The following COL4A1 variants were observed in gnomAD, a reference collection of about 807,000 sequenced individuals.
COL4A1 encodes collagen alpha-1(IV) chain.
A neutral mutation model predicts 216.6 loss-of-function variants in COL4A1; 40 were observed. The ratio of observed to expected loss-of-function variants is 0.18; its 90% confidence interval spans 0.14 to 0.24. The LOEUF (loss-of-function observed/expected upper bound fraction) is 0.24. COL4A1 is among the 10% of genes least tolerant of loss of function. COL4A1 has a pLI of 1.00. For synonymous variants in COL4A1, 839 were observed against 810.7 expected (o/e 1.03, Z -0.59); for missense variants, 1,628 against 2,196.8 (o/e 0.74, Z 5.18).
At chr13:110,304,505 C>T (rs945334180) in intron 1 of COL4A1, among the ~76,000 whole-genome samples, 3 of 152,142 alleles carry the variant, frequency 2.0e-5, no homozygotes, top group Non-Finnish European at 2.9e-5. Context: ...GGGTTCATTC[C>T]GCCCAGTGCA....
intron 49 of COL4A1, among the ~76,000 whole-genome samples, chr13:110,160,266 C>A (rs1310779283): frequency 7.8e-6 from 1 of 128,228 alleles, no homozygotes; most frequent in Non-Finnish European, 1.6e-5. Context: ...CAAGGTGAAA[C>A]CCCGTCTCTA....
At chr13:110,174,098 T>TC in intron 39 of COL4A1, 100 bp from the exon 40 acceptor site, 1 of 1,313,680 alleles carries the variant, frequency 7.6e-7, no homozygotes, top group Non-Finnish European at 1.1e-6. Flanking sequence ...AGGGAGCTGT[T>TC]CCCTCCCAAG....
Position 110,211,610 on chromosome 13 carries a change from T to C in COL4A1, c.468+37A>G, listed in dbSNP as rs374112057. 1.9e-6 allele frequency: 3 copies of C among 1,600,876 alleles called. No homozygotes were observed. The highest frequency in any genetic ancestry group is 1.7e-6 in the Non-Finnish European group (2 of 1,172,168). ...GCACTTGTTGTAAACAGATTCCCTG[T>C]AATGAATCCAATAAAGCAAAATAAA... On this transcript the variant is annotated intron_variant, in intron 8 of 51. Transcript: ENST00000375820. This position sits in a 1 kb window ranked among gnomAD's most constrained non-coding sequence, Gnocchi z 4.3.
chr13:110,214,057 AGAACAGAG>A, intron 2 of COL4A1, 42 bp from the exon 3 acceptor site: 1 of 1,548,400 alleles, frequency 6.5e-7, no homozygotes, highest in Non-Finnish European at 8.9e-7. Context: ...GCAGCAGTAA[AGAACAGAG>A]GAAGGAATTG....
intron 1 of COL4A1, among the ~76,000 whole-genome samples, chr13:110,262,573 T>A (rs1273306553): frequency 6.6e-6 from 1 of 152,210 alleles, no homozygotes; most frequent in African/African-American, 2.4e-5. Context: ...CTCACAAAGA[T>A]CAACAATCTC....
At chr13:110,249,967 T>G (rs1335050039) in intron 1 of COL4A1, among the ~76,000 whole-genome samples, 1 of 152,196 alleles carries the variant, frequency 6.6e-6, no homozygotes, top group African/African-American at 2.4e-5. Flanking sequence ...TCATCTGCAT[T>G]TGTTTTATTA....
At position 110,160,217 on chromosome 13, in the gene COL4A1, T is replaced by C. The variant is rs572868255; in HGVS notation, c.4640+975A>G. On this transcript the variant is annotated intron_variant, in intron 49 of 51. Coordinates refer to ENST00000375820, the MANE Select transcript of COL4A1 (RefSeq NM_001845.6). ...CAGCACTTTGGGAGGCCGAGGCGGG[T>C]GGATCATGAGGTCAGGAGATCGAGA... Among the ~76,000 whole-genome samples the C allele has an allele frequency of 1.7e-4, 24 of 142,774 alleles. 2 individuals are homozygous for C. In the East Asian group the frequency reaches 4.0e-3, roughly 24 times the overall value. The allele number at this position is 142,774 out of a possible 152,430, so 93.7% of individuals were successfully genotyped here.
At chr13:110,205,192 A>G in intron 17 of COL4A1, 161 bp downstream of exon 17, 1 of 773,754 alleles carries the variant, frequency 1.3e-6, no homozygotes. Context: ...GTAAAAAATC[A>G]TGAACATAAA....
Position 110,150,259 on chromosome 13 carries a change from T to C in COL4A1, c.*104A>G, listed in dbSNP as rs1876435964. 2 of 1,103,534 alleles carry C rather than the reference T, an allele frequency of 1.8e-6. No individual in the cohort carries two copies. The highest frequency in any genetic ancestry group is 2.7e-6 in the Non-Finnish European group (2 of 745,640). 68.4% of individuals were successfully genotyped at this position (1,103,534 alleles called of 1,614,324 possible). A position where few individuals can be genotyped will look rare whatever the true frequency, so the allele number is the denominator to read the frequency against. On this transcript the variant is annotated 3_prime_UTR_variant, in exon 52 of 52. Coordinates refer to ENST00000375820, the MANE Select transcript of COL4A1 (RefSeq NM_001845.6). Reference sequence around the variant, plus strand: ...CCTATAAGGCACTTTACGGTTTTCATATTGGACAGTGAGGTACACAGGATA... The same window carrying C: ...CCTATAAGGCACTTTACGGTTTTCACATTGGACAGTGAGGTACACAGGATA...
Position 110,179,436 on chromosome 13 carries a change from A to G in COL4A1, c.2194-15T>C, listed in dbSNP as rs894164107. Reference sequence around the variant, plus strand: ...CCAGGCTCTCCCTGAAAATCCCCAAAGCACAGAGAAGCAAATTGATTTGCA... The same window carrying G: ...CCAGGCTCTCCCTGAAAATCCCCAAGGCACAGAGAAGCAAATTGATTTGCA... On this transcript the variant is annotated splice_polypyrimidine_tract_variant and intron_variant, in intron 29 of 51. Transcript: ENST00000375820. 43 of 1,613,944 alleles carry G rather than the reference A, an allele frequency of 2.7e-5. No individual in the cohort carries two copies. Among genetic ancestry groups the G allele is most frequent in the Non-Finnish European group, 3.6e-5 (43 of 1,180,042 alleles).
At chr13:110,262,310 C>G (rs977172172) in intron 1 of COL4A1, among the ~76,000 whole-genome samples, 1 of 152,178 alleles carries the variant, frequency 6.6e-6, no homozygotes, top group South Asian at 2.1e-4. Context: ...CAGGACCCAG[C>G]GCCCTCACCC....
intron 29 of COL4A1, among the ~76,000 whole-genome samples, chr13:110,180,530 A>C (rs1878099806): frequency 6.6e-6 from 1 of 152,236 alleles, no homozygotes; most frequent in Non-Finnish European, 1.5e-5. Flanking sequence ...ACGTTTATCG[A>C]TGGCCGTTGG....
chr13:110,231,169 C>G (rs976026927), intron 2 of COL4A1, among the ~76,000 whole-genome samples: 1 of 152,224 alleles, frequency 6.6e-6, no homozygotes, highest in African/African-American at 2.4e-5. Flanking sequence ...CTTGCCCTTG[C>G]CCAGGACATA....
chr13:110,173,798 G>T, intron 40 of COL4A1, 102 bp downstream of exon 40: 2 of 1,346,432 alleles, frequency 1.5e-6, no homozygotes, highest in Non-Finnish European at 2.1e-6. Context: ...GCAGTCTAGG[G>T]GCCATTCTGT....
rs1361622891 is a variant in COL4A1, at chr13:110,205,553, T to C, written c.859-15A>G. On this transcript the variant is annotated splice_polypyrimidine_tract_variant and intron_variant, in intron 15 of 51. Coordinates refer to ENST00000375820, the MANE Select transcript of COL4A1 (RefSeq NM_001845.6). ...CCGGGTTTGCCCTGTAGAATAAAGATGTAAACGTTAGTATTTAATAAATAA... is the reference window on the plus strand; with the variant it reads ...CCGGGTTTGCCCTGTAGAATAAAGACGTAAACGTTAGTATTTAATAAATAA... 6.2e-7 allele frequency: 1 copy of C among 1,612,674 alleles called. No individual in the cohort carries two copies. The highest frequency in any genetic ancestry group is 8.5e-7 in the Non-Finnish European group (1 of 1,179,218).
rs568536001 is a variant in COL4A1 at position 110,148,971 on chromosome 13, G to C, written c.*1392C>G. 2.0e-5 allele frequency: 3 copies of C among 152,874 alleles called. No individual in the cohort carries two copies. Among genetic ancestry groups the C allele is most frequent in the African/African-American group, 7.2e-5 (3 of 41,550 alleles). 9.5% of individuals were successfully genotyped at this position (152,874 alleles called of 1,614,324 possible). A position where few individuals can be genotyped will look rare whatever the true frequency, so the allele number is the denominator to read the frequency against. ...GCAAAATAAAAATAATCTAAGGTAT[G>C]CAAAGCTTACAAATTTATTAGCAGC... is the stretch of plus-strand genomic sequence containing the variant. On this transcript the variant is annotated 3_prime_UTR_variant, in exon 52 of 52. Coordinates refer to ENST00000375820, the MANE Select transcript of COL4A1 (RefSeq NM_001845.6).
At chr13:110,163,344 C>A (rs1385405868) in intron 47 of COL4A1, 119 bp downstream of exon 47, 1 of 830,512 alleles carries the variant, frequency 1.2e-6, no homozygotes, top group African/African-American at 1.7e-5. Flanking sequence ...CAGACTTCTT[C>A]GGAAATCTGT....
At position 110,176,616 on chromosome 13, in the gene COL4A1, C is replaced by T; in HGVS notation, c.2968+10G>A. 2 of 1,612,908 alleles carry T rather than the reference C, an allele frequency of 1.2e-6. No individual in the cohort carries two copies. Among genetic ancestry groups the T allele is most frequent in the South Asian group, 2.2e-5 (2 of 91,048 alleles). ...CTTGCCACACTGGGGACCGGAGCTCCACACTGTACCTGGCTGCCCAGGCTG... is the reference window on the plus strand; with the variant it reads ...CTTGCCACACTGGGGACCGGAGCTCTACACTGTACCTGGCTGCCCAGGCTG... On this transcript the variant is annotated intron_variant, in intron 35 of 51. Coordinates refer to ENST00000375820, the MANE Select transcript of COL4A1 (RefSeq NM_001845.6).
chr13:110,271,019 TC>T (rs1883227267), intron 1 of COL4A1, among the ~76,000 whole-genome samples: 1 of 151,964 alleles, frequency 6.6e-6, no homozygotes, highest in Admixed American at 6.6e-5. Context: ...TGGAAGGAGC[TC>T]CCAAAGAACA....
Sources: gnomAD v4.1 joint callset for allele counts (sites outside exome capture counted in the v4.1 genomes callset) on GRCh38, gnomAD v4.1.1 for gene constraint, Gnocchi (gnomAD v3.1) non-coding constraint, MANE v1.5 for transcripts, NCBI Gene and HGNC (gene_info 2026-07-23, HGNC 2026-07-21) for gene names.